VPS8: variants seen among roughly 807,000 people sequenced by gnomAD.
VPS8 encodes the protein VPS8 subunit of CORVET complex.
Under a neutral mutation model 216.4 loss-of-function variants are expected in VPS8, and 129 were observed. The ratio of observed to expected loss-of-function variants is 0.60; its 90% CI spans 0.52 to 0.69. VPS8 has a LOEUF of 0.69. Among genes scored for constraint, VPS8 ranks in the 30% least tolerant of loss-of-function variants. The probability of loss-of-function intolerance (pLI) is 0.00; values close to 1 mark genes in which losing one functional copy is unlikely to be tolerated. For missense variants in VPS8, 1,531 were observed against 1,683.5 expected (o/e 0.91, Z 1.59); for synonymous variants, 571 against 565.4 (o/e 1.01, Z -0.14).
intron 45 of VPS8, among the ~76,000 whole-genome samples, chr3:185,008,897 A>T (rs1264764999): frequency 6.6e-6 from 1 of 152,214 alleles, no homozygotes; most frequent in Non-Finnish European, 1.5e-5. Context: ...TGTGATAGGT[A>T]CTTAATTGAC....
chr3:184,839,558 C>A, intron 6 of VPS8, 140 bp from the exon 7 acceptor site: 2 of 761,026 alleles, frequency 2.6e-6, no homozygotes, highest in East Asian at 2.9e-5. Flanking sequence ...CGTTTTGCCT[C>A]CTGGATGAAA....
chr3:184,909,634 CTTCAT>C (rs1736120648), intron 25 of VPS8, among the ~76,000 whole-genome samples: 1 of 152,144 alleles, frequency 6.6e-6, no homozygotes, highest in South Asian at 2.1e-4. Flanking sequence ...TGCTGCAACT[CTTCAT>C]TTATCTGTTG....
At chr3:184,888,538 T>TATA (rs1173965096) in intron 22 of VPS8, among the ~76,000 whole-genome samples, 1 of 152,206 alleles carries the variant, frequency 6.6e-6, no homozygotes, top group African/African-American at 2.4e-5. Flanking sequence ...AATTCCTTGT[T>TATA]ATATGTCCTG....
chr3:184,919,200 G>A (rs1459912494), intron 28 of VPS8: 1 of 152,184 alleles, frequency 6.6e-6, no homozygotes, highest in Non-Finnish European at 1.5e-5. Context: ...ATGTAGTCTT[G>A]AAAGTTCATG....
At chr3:184,932,789 A>G (rs1419691912) in intron 34 of VPS8, among the ~76,000 whole-genome samples, 1 of 152,224 alleles carries the variant, frequency 6.6e-6, no homozygotes. Context: ...TTTGTTTTAC[A>G]TAGCTGCAGT....
At chr3:185,044,482 G>A (rs780298449) in intron 46 of VPS8, among the ~76,000 whole-genome samples, 10 of 152,146 alleles carry the variant, frequency 6.6e-5, no homozygotes, top group African/African-American at 2.2e-4. Flanking sequence ...TCGATAAAGT[G>A]AGCCGCTGCA....
chr3:184,877,908 G>T (rs923827704), intron 21 of VPS8, among the ~76,000 whole-genome samples: 1 of 152,170 alleles, frequency 6.6e-6, no homozygotes, highest in Non-Finnish European at 1.5e-5. Context: ...ACTGATTTGA[G>T]TTGCTAGCAG....
At chr3:184,852,433 A>C in intron 10 of VPS8, 67 bp from the exon 11 acceptor site, 1 of 1,440,110 alleles carries the variant, frequency 6.9e-7, no homozygotes, top group Non-Finnish European at 9.6e-7. Context: ...AAAATTGTAT[A>C]ATTTTTTCCT....
intron 40 of VPS8, 48 bp from the exon 41 acceptor site, chr3:184,982,518 T>C (rs773051053): frequency 7.0e-7 from 1 of 1,430,188 alleles, no homozygotes; most frequent in South Asian, 1.2e-5. Context: ...TTTTTCATTG[T>C]TTTCTTTGAC....
At chr3:184,980,498 T>C (rs1750023482) in intron 40 of VPS8, among the ~76,000 whole-genome samples, 2 of 152,156 alleles carry the variant, frequency 1.3e-5, no homozygotes, top group African/African-American at 2.4e-5. Context: ...ATTTTTTTTC[T>C]TTTTTTCTTT....
intron 29 of VPS8, among the ~76,000 whole-genome samples, chr3:184,920,643 C>T (rs554297517): frequency 2.6e-5 from 4 of 152,316 alleles, no homozygotes; most frequent in African/African-American, 9.6e-5. Flanking sequence ...CAGAAATGAT[C>T]ATCCCAGTAT....
intron 25 of VPS8, among the ~76,000 whole-genome samples, chr3:184,912,332 T>C (rs1736701991): frequency 6.6e-6 from 1 of 152,222 alleles, no homozygotes; most frequent in Non-Finnish European, 1.5e-5. Flanking sequence ...AGGAATAATT[T>C]ATAGTCTTAT....
At chr3:184,921,994 C>T (rs901483377) in intron 29 of VPS8, among the ~76,000 whole-genome samples, 1 of 152,198 alleles carries the variant, frequency 6.6e-6, no homozygotes, top group Non-Finnish European at 1.5e-5. Context: ...GACTAGGTCT[C>T]TATAACTGGT....
chr3:184,849,176 G>A lies in VPS8; in HGVS notation c.647G>A (p.Cys216Tyr). Residue 216 changes from cysteine to tyrosine, a missense_variant, in exon 9 of 48, where the codon TGT becomes TAT. This residue lies in a region of VPS8 where 1,318 missense variants were observed against 1,468.4 expected (regional missense o/e 0.90). Transcript: ENST00000625842. ...SINNDCSRLL[C>Y]GFAKGQITMW... Reference sequence around the variant, plus strand: ...AACAATGATTGCTCAAGACTTCTTTGTGGCTTTGCTAAAGGACAGGTAAGA... The same window carrying A: ...AACAATGATTGCTCAAGACTTCTTTATGGCTTTGCTAAAGGACAGGTAAGA... The A allele has an allele frequency of 1.2e-6, 2 of 1,613,272 alleles. No homozygotes were observed. The highest frequency in any genetic ancestry group is 4.5e-5 in the East Asian group (2 of 44,850).
chr3:184,886,184 A>G (rs1191885525), intron 22 of VPS8, 28 bp downstream of exon 22: 13 of 1,593,710 alleles, frequency 8.2e-6, no homozygotes, highest in Non-Finnish European at 1.0e-5. Context: ...GTCACATTCA[A>G]TTATTTTGAA....
intron 16 of VPS8, among the ~76,000 whole-genome samples, chr3:184,864,624 G>C (rs1265120700): frequency 1.3e-5 from 2 of 152,188 alleles, no homozygotes; most frequent in African/African-American, 4.8e-5. Context: ...AGAGTACTTA[G>C]AGGCATCTTG....
intron 23 of VPS8, among the ~76,000 whole-genome samples, chr3:184,897,306 C>A (rs971837651): frequency 5.3e-5 from 8 of 152,080 alleles, no homozygotes; most frequent in African/African-American, 1.7e-4. Flanking sequence ...AATTGATTTG[C>A]TGGTGAATTG....
chr3:185,039,309 G>A (rs1036394752), intron 46 of VPS8, among the ~76,000 whole-genome samples: 1 of 151,834 alleles, frequency 6.6e-6, no homozygotes, highest in Admixed American at 6.6e-5. Context: ...AATACCCACG[G>A]CTGGGTAATT....
rs1724761603 is a variant in VPS8, at chr3:184,853,889, G to C, written c.854G>C (p.Arg285Thr). The C allele has an allele frequency of 6.3e-7, 1 of 1,595,808 alleles. No homozygotes were observed. Among genetic ancestry groups the C allele is most frequent in the Non-Finnish European group, 8.5e-7 (1 of 1,170,492 alleles). ...ATGGGAGTGAGAACCTGTGAATCTA[G>C]ATGTCTGTTCAGTGGTTCCAAGGGT... ...RVMGVRTCESRCLFSGSKGEV... is the reference protein window; with the variant it reads ...RVMGVRTCESTCLFSGSKGEV... Residue 285 changes from arginine to threonine, a missense_variant, in exon 12 of 48, where the codon AGA becomes ACA. Physicochemically the swap from Arg to Thr is moderately conservative, Grantham distance 71 (BLOSUM62 -1). Coordinates refer to ENST00000625842, the MANE Select transcript of VPS8 (RefSeq NM_001009921.3).
Sources: allele counts gnomAD v4.1 joint callset (sites outside exome capture counted in the v4.1 genomes callset), GRCh38; gene constraint gnomAD v4.1.1; regional missense constraint gnomAD v4.1.1; transcripts MANE v1.5; gene names NCBI Gene and HGNC (gene_info 2026-07-23, HGNC 2026-07-21).